CHLSN: variants seen among roughly 807,000 people sequenced by gnomAD.
CHLSN encodes the protein protein cholesin.
At chr7:1,119,035 A>G in the CHLSN span, among the ~76,000 whole-genome samples, 2 of 150,546 alleles carry the variant, frequency 1.3e-5, no homozygotes, top group African/African-American at 2.4e-5. Flanking sequence ...CAGGAGGATC[A>G]TGAGGTCTAG....
chr7:1,053,659 C>G, the CHLSN span, among the ~76,000 whole-genome samples: 1 of 152,154 alleles, frequency 6.6e-6, no homozygotes, highest in Non-Finnish European at 1.5e-5. Flanking sequence ...GAAACCTTGT[C>G]TCTACTGAAA....
chr7:1,086,113 C>G, the CHLSN span, among the ~76,000 whole-genome samples: 1 of 152,366 alleles, frequency 6.6e-6, no homozygotes, highest in African/African-American at 2.4e-5. Context: ...CTCGCCCGCC[C>G]AGGGCAGGCT....
At chr7:1,022,432 C>T in the CHLSN span, among the ~76,000 whole-genome samples, 2 of 152,224 alleles carry the variant, frequency 1.3e-5, no homozygotes, top group African/African-American at 4.8e-5. Flanking sequence ...ATTAGAATCC[C>T]ACGGCGTTAA....
the CHLSN span, among the ~76,000 whole-genome samples, chr7:1,005,938 G>A: frequency 6.6e-6 from 1 of 152,266 alleles, no homozygotes; most frequent in Non-Finnish European, 1.5e-5. Flanking sequence ...GGACCAGGGA[G>A]GCAGCGGTCA....
chr7:1,095,382 T>C, the CHLSN span, among the ~76,000 whole-genome samples: 3 of 147,450 alleles, frequency 2.0e-5, no homozygotes, highest in African/African-American at 5.0e-5. Flanking sequence ...CTTTACAAGA[T>C]GCATGCTTCA....
chr7:1,016,983 C>T, the CHLSN span, among the ~76,000 whole-genome samples: 41 of 63,884 alleles, frequency 6.4e-4, 1 homozygote, highest in African/African-American at 3.2e-3. Flanking sequence ...CACACACCAG[C>T]GCACAGCAGC....
At chr7:1,010,173 G>C in the CHLSN span, 1 of 1,584,212 alleles carries the variant, frequency 6.3e-7, no homozygotes, top group Non-Finnish European at 8.6e-7. Flanking sequence ...TTAGGCTTCG[G>C]GGATGGAGGG....
At chr7:1,105,598 G>A in the CHLSN span, among the ~76,000 whole-genome samples, 4 of 152,236 alleles carry the variant, frequency 2.6e-5, no homozygotes, top group Non-Finnish European at 5.9e-5. Context: ...ATGTGAAAAT[G>A]TACCAAATAT....
the CHLSN span, among the ~76,000 whole-genome samples, chr7:1,017,794 C>T: frequency 1.3e-5 from 2 of 152,248 alleles, no homozygotes; most frequent in Admixed American, 1.3e-4. Flanking sequence ...AGGGGCTTCT[C>T]TGCCCCCGCC....
At chr7:985,216 T>C in the CHLSN span, 2 of 1,557,678 alleles carry the variant, frequency 1.3e-6, no homozygotes, top group Non-Finnish European at 1.7e-6. Context: ...CAATATCACC[T>C]TCGCGCTCCT....
the CHLSN span, among the ~76,000 whole-genome samples, chr7:979,902 G>A: frequency 1.3e-5 from 2 of 152,166 alleles, no homozygotes; most frequent in African/African-American, 2.4e-5. Context: ...TGGAAACCGG[G>A]TCACTGAGCC....
the CHLSN span, among the ~76,000 whole-genome samples, chr7:1,117,814 G>T: frequency 6.6e-6 from 1 of 152,216 alleles, no homozygotes; most frequent in Non-Finnish European, 1.5e-5. Context: ...CTACCGACCA[G>T]CTTCCATCAC....
the CHLSN span, chr7:988,179 G>C: frequency 1.5e-6 from 2 of 1,362,592 alleles, no homozygotes; most frequent in South Asian, 1.4e-5. Flanking sequence ...GGTGTGGTGG[G>C]TGTGGCAGGA....
At chr7:1,136,053 TATAA>T in the CHLSN span, among the ~76,000 whole-genome samples, 1 of 115,764 alleles carries the variant, frequency 8.6e-6, no homozygotes. Flanking sequence ...TATAAGTATA[TATAA>T]ATATATATAA....
At chr7:1,024,017 T>A in the CHLSN span, among the ~76,000 whole-genome samples, 1 of 151,614 alleles carries the variant, frequency 6.6e-6, no homozygotes, top group African/African-American at 2.4e-5. Flanking sequence ...GTTTTTAAAT[T>A]TTTTATAGAG....
At chr7:1,080,424 A>G in the CHLSN span, among the ~76,000 whole-genome samples, 1 of 152,218 alleles carries the variant, frequency 6.6e-6, no homozygotes, top group Non-Finnish European at 1.5e-5. Flanking sequence ...GCACGGGGAC[A>G]GCCAGGCTCG....
the CHLSN span, among the ~76,000 whole-genome samples, chr7:1,040,906 G>A: frequency 6.6e-6 from 1 of 152,256 alleles, no homozygotes; most frequent in Non-Finnish European, 1.5e-5. Context: ...AAAGGCAGAC[G>A]TGCCGGCTGC....
At chr7:1,084,515 C>G in the CHLSN span, among the ~76,000 whole-genome samples, 3 of 152,242 alleles carry the variant, frequency 2.0e-5, no homozygotes, top group African/African-American at 7.2e-5. Flanking sequence ...ACTGCTCCCT[C>G]CCTTGTGCCT....
the CHLSN span, chr7:1,055,581 G>A: frequency 2.6e-6 from 1 of 381,902 alleles, no homozygotes; most frequent in African/African-American, 2.1e-5. Flanking sequence ...TGCAGCACAG[G>A]TGGGAGAGAG....
Sources: gnomAD v4.1 joint callset for allele counts (sites outside exome capture counted in the v4.1 genomes callset) on GRCh38, gnomAD v4.1.1 for gene constraint, MANE v1.5 for transcripts, NCBI Gene and HGNC (gene_info 2026-07-23, HGNC 2026-07-21) for gene names.